Variants in TRIM36 observed in about 807,000 individuals in gnomAD.
The protein encoded by TRIM36 is E3 ubiquitin-protein ligase TRIM36.
In TRIM36, 42 loss-of-function variants were observed where a neutral mutation model predicts 72.4. The ratio of observed to expected loss-of-function variants is 0.58; its 90% CI spans 0.45 to 0.75. TRIM36 has a LOEUF of 0.75. TRIM36 is among the 30% of genes least tolerant of loss of function. The pLI is 0.00. For missense variants in TRIM36, 913 were observed against 857.1 expected, an observed-to-expected ratio of 1.07 and a Z score of -0.81; for synonymous variants, 315 against 282.8, an observed-to-expected ratio of 1.11 and a Z score of -1.14.
At chr5:115,171,469 G>A (rs1035443534), upstream of TRIM36, among the ~76,000 whole-genome samples, 1 of 152,134 alleles carries the variant, frequency 6.6e-6, no homozygotes, top group Non-Finnish European at 1.5e-5. Context: ...CGTGAATTAG[G>A]TGCCTATATA....
At chr5:115,134,262 T>G in intron 7 of TRIM36, 115 bp from the exon 8 acceptor site, 1 of 893,582 alleles carries the variant, frequency 1.1e-6, no homozygotes, top group Non-Finnish European at 1.5e-6. Flanking sequence ...ACTAATACTT[T>G]TCTAAATTTA....
intron 1 of TRIM36, among the ~76,000 whole-genome samples, chr5:115,176,797 CAA>C (rs1755361062): frequency 6.6e-6 from 1 of 152,040 alleles, no homozygotes; most frequent in African/African-American, 2.4e-5. Context: ...TCTTTTAATC[CAA>C]AGAGATTAGC....
chr5:115,137,638 A>G, intron 5 of TRIM36, 22 bp from the exon 6 acceptor site: 3 of 1,553,056 alleles, frequency 1.9e-6, no homozygotes, highest in Non-Finnish European at 2.6e-6. Flanking sequence ...CAGTATCTCC[A>G]TTACACTAAG....
rs931351244 is a variant in TRIM36, at chr5:115,169,742, A to G, written c.-108T>C. 1.0e-5 allele frequency: 15 copies of G among 1,440,698 alleles called. No individual in the cohort carries two copies. Among genetic ancestry groups the G allele is most frequent in the South Asian group, 6.9e-5 (5 of 72,618 alleles). The allele number at this position is 1,440,698 out of a possible 1,614,324, so 89.2% of individuals were successfully genotyped here. A position where few individuals can be genotyped will look rare whatever the true frequency, so the allele number is the denominator to read the frequency against. ...CGGCGGCCGTGGAGCCTCGGTCCGA[A>G]GCTGGAAGATGAGCTGGTCAGCTGT... On this transcript the variant is annotated 5_prime_UTR_variant, in exon 1 of 10. Transcript: ENST00000513154.
intron 9 of TRIM36, among the ~76,000 whole-genome samples, chr5:115,129,314 G>A (rs965283939): frequency 3.3e-5 from 5 of 152,222 alleles, no homozygotes; most frequent in Non-Finnish European, 7.3e-5. Context: ...TGTAATCCCA[G>A]CACTTTGGGA....
chr5:115,134,282 A>G (rs1184579513), intron 7 of TRIM36, 135 bp from the exon 8 acceptor site: 3 of 551,562 alleles, frequency 5.4e-6, no homozygotes, highest in African/African-American at 3.9e-5. Context: ...ATAATACTAT[A>G]TATAGAAAGC....
intron 5 of TRIM36, 50 bp from the exon 6 acceptor site, chr5:115,137,666 CT>C (rs1167836755): frequency 1.3e-6 from 2 of 1,502,408 alleles, no homozygotes; most frequent in African/African-American, 2.8e-5. Flanking sequence ...AAAGAATAGC[CT>C]CTTCTGCTAA....
chr5:115,151,530 T>G (rs1001393945), intron 2 of TRIM36, among the ~76,000 whole-genome samples: 4 of 152,174 alleles, frequency 2.6e-5, no homozygotes, highest in Admixed American at 2.0e-4. Flanking sequence ...ACCACCACAG[T>G]TGATGCTCTT....
chr5:115,136,303 C>CAT, intron 7 of TRIM36, among the ~76,000 whole-genome samples: 1 of 19,524 alleles, frequency 5.1e-5, no homozygotes, highest in Non-Finnish European at 1.1e-4. Flanking sequence ...CTCTCACACA[C>CAT]ACACAGAGGA....
At chr5:115,152,979 A>C (rs547410378) in intron 2 of TRIM36, among the ~76,000 whole-genome samples, 3 of 152,176 alleles carry the variant, frequency 2.0e-5, no homozygotes, top group South Asian at 2.1e-4. Flanking sequence ...ACAACAACAA[A>C]AAACAAGGTA....
chr5:115,126,281 G>T lies in TRIM36; in HGVS notation c.*222C>A. 1 of 511,698 alleles carries T rather than the reference G, an allele frequency of 2.0e-6. No individual in the cohort carries two copies. The highest frequency in any genetic ancestry group is 3.4e-6 in the Non-Finnish European group (1 of 289,962). The allele number at this position is 511,698 out of a possible 1,614,324, so 31.7% of individuals were successfully genotyped here. A position where few individuals can be genotyped will look rare whatever the true frequency, so the allele number is the denominator to read the frequency against. ...TCCAGTTGCAAAGTTAACCACTTCA[G>T]TATTAACTTGGAAAGAACATCTTCA... is the stretch of plus-strand genomic sequence containing the variant. On this transcript the variant is annotated 3_prime_UTR_variant, in exon 10 of 10. Transcript: ENST00000513154.
intron 5 of TRIM36, among the ~76,000 whole-genome samples, chr5:115,138,152 T>G (rs1478373582): frequency 1.3e-5 from 2 of 152,188 alleles, no homozygotes; most frequent in Non-Finnish European, 2.9e-5. Flanking sequence ...CAGACTGGAG[T>G]GCAGTGGTGC....
chr5:115,147,082 T>C lies in TRIM36; in HGVS notation c.575A>G (p.Asn192Ser), dbSNP rs1431156124. ...AQHEYVGPTTNFRPKILMCPE... is the reference protein window; with the variant it reads ...AQHEYVGPTTSFRPKILMCPE... The stretch of plus-strand genomic sequence containing the variant: ...AACTTCACTTACCTTGGGTCTGAAG[T>C]TAGTAGTTGGACCAACATACTCATG... Residue 192 changes from asparagine to serine, a missense_variant, in exon 3 of 10, where the codon AAC becomes AGC. Coordinates refer to ENST00000513154, the MANE Select transcript of TRIM36 (RefSeq NM_001300759.2). 6.2e-7 allele frequency: 1 copy of C among 1,611,630 alleles called. No individual in the cohort carries two copies. Among genetic ancestry groups the C allele is most frequent in the Non-Finnish European group, 8.5e-7 (1 of 1,178,144 alleles).
intron 2 of TRIM36, among the ~76,000 whole-genome samples, chr5:115,161,485 A>G (rs62381522): frequency 0.29 from 43,964 of 152,150 alleles, 6,469 homozygotes; most frequent in Middle Eastern, 0.33. Flanking sequence ...TGCATGGGTC[A>G]CAGCCAAAGA....
intron 5 of TRIM36, 112 bp downstream of exon 5, chr5:115,141,167 A>G: frequency 1.3e-6 from 1 of 750,800 alleles, no homozygotes; most frequent in South Asian, 1.8e-5. Context: ...GAAATCTAAC[A>G]CAACTTTGTA....
At chr5:115,132,166 A>ATCTCTCTCTC (rs1163551342) in intron 8 of TRIM36, among the ~76,000 whole-genome samples, 2 of 142,684 alleles carry the variant, frequency 1.4e-5, no homozygotes, top group African/African-American at 2.6e-5. Flanking sequence ...GTGAGACCCC[A>ATCTCTCTCTC]TCTCTCTCTC....
chr5:115,164,858 G>C (rs996012665), intron 1 of TRIM36, among the ~76,000 whole-genome samples: 1 of 152,306 alleles, frequency 6.6e-6, no homozygotes, highest in Admixed American at 6.5e-5. Flanking sequence ...TAGGGGCCTG[G>C]AGAATCAAAA....
intron 5 of TRIM36, among the ~76,000 whole-genome samples, chr5:115,139,951 A>G (rs943991168): frequency 9.2e-5 from 14 of 152,142 alleles, no homozygotes; most frequent in Non-Finnish European, 1.6e-4. Context: ...GGACCAACAA[A>G]CAAGGCTATT....
In TRIM36 at chr5:115,136,992, A is replaced by C. The variant is rs376318866; in HGVS notation, c.1210+8T>G. The C allele has an allele frequency of 2.5e-6, 4 of 1,578,492 alleles. No individual in the cohort carries two copies. The African/African-American group carries it at 5.5e-5, about 22-fold the overall frequency. On this transcript the variant is annotated splice_region_variant and intron_variant, in intron 7 of 9. Transcript: ENST00000513154. ...AAGAATGAGGTTTTTGCCTTCATTA[A>C]GACTTACCACTAGAGAAAAAGGATA...
Sources: gnomAD v4.1 joint callset for allele counts (sites outside exome capture counted in the v4.1 genomes callset) on GRCh38, gnomAD v4.1.1 for gene constraint, MANE v1.5 for transcripts, NCBI Gene and HGNC (gene_info 2026-07-23, HGNC 2026-07-21) for gene names.